Variants in AFF4 observed in about 807,000 individuals in gnomAD.
AFF4 encodes the protein AF4/FMR2 family member 4.
AFF4 carries 13 observed loss-of-function variants against 124.8 expected under a neutral mutation model. The ratio of observed to expected loss-of-function variants is 0.10; its 90% CI spans 0.07 to 0.17. The LOEUF (loss-of-function observed/expected upper bound fraction) is 0.17, where lower values mean the gene tolerates loss of function less well. Ranked by LOEUF, AFF4 falls within the 10% of genes least tolerant of loss-of-function variation. The pLI is 1.00. For synonymous variants in AFF4, 477 were observed against 496.1 expected, an observed-to-expected ratio of 0.96 and a Z score of 0.51; for missense variants, 1,092 against 1,403.8, an observed-to-expected ratio of 0.78 and a Z score of 3.55.
At position 132,914,526 on chromosome 5, in the gene AFF4, G is replaced by A. The variant is rs568652862; in HGVS notation, c.1051-10122C>T. 4.3e-4 allele frequency among the ~76,000 whole-genome samples: 66 copies of A among 151,740 alleles called. No homozygotes were observed. The East Asian group carries it at 7.6e-3, about 17-fold the overall frequency. On this transcript the variant is annotated intron_variant, in intron 5 of 20. Transcript: ENST00000265343. ...TGAGGCAGGAGAATCGCTTGAACCC[G>A]GAAGGTGGAGGTTGCAGTGAGCCGA... is the stretch of plus-strand genomic sequence containing the variant.
At chr5:132,956,405 T>C (rs1479015492) in intron 1 of AFF4, among the ~76,000 whole-genome samples, 1 of 151,966 alleles carries the variant, frequency 6.6e-6, no homozygotes, top group Non-Finnish European at 1.5e-5. Context: ...CTAAGGCAGG[T>C]GGATTACCAG....
intron 5 of AFF4, among the ~76,000 whole-genome samples, chr5:132,920,819 T>C (rs929851953): frequency 1.2e-4 from 19 of 152,198 alleles, no homozygotes; most frequent in African/African-American, 3.4e-4. Flanking sequence ...TATATGATAA[T>C]GGCAGTAAGA....
chr5:132,879,882 C>T lies in AFF4; in HGVS notation c.*1177G>A, dbSNP rs1401256345. The T allele has an allele frequency of 2.0e-5, 5 of 255,214 alleles. No individual in the cohort carries two copies. The highest frequency in any genetic ancestry group is 5.4e-5 in the Admixed American group (1 of 18,368). 15.8% of individuals were successfully genotyped at this position (255,214 alleles called of 1,614,324 possible). A position where few individuals can be genotyped will look rare whatever the true frequency, so the allele number is the denominator to read the frequency against. On this transcript the variant is annotated 3_prime_UTR_variant, in exon 21 of 21. Coordinates refer to ENST00000265343, the MANE Select transcript of AFF4 (RefSeq NM_014423.4). Reference sequence around the variant, plus strand: ...CAGAAACATACATCATTGAAGAGGGCCTTCATAATGCAAAAGGAGTAAACA... The same window carrying T: ...CAGAAACATACATCATTGAAGAGGGTCTTCATAATGCAAAAGGAGTAAACA...
At chr5:132,918,427 C>T (rs1029167227) in intron 5 of AFF4, among the ~76,000 whole-genome samples, 2 of 151,900 alleles carry the variant, frequency 1.3e-5, no homozygotes, top group African/African-American at 4.8e-5. Context: ...TTTGGGAGGC[C>T]GAGGCAGGTG....
chr5:132,942,354 G>A (rs1257126864), intron 1 of AFF4, among the ~76,000 whole-genome samples: 3 of 152,208 alleles, frequency 2.0e-5, no homozygotes, highest in African/African-American at 4.8e-5. Flanking sequence ...GATGTACAAT[G>A]GTGAAGGAGC....
chr5:132,939,679 C>T (rs1373848332), intron 1 of AFF4, among the ~76,000 whole-genome samples: 1 of 152,220 alleles, frequency 6.6e-6, no homozygotes, highest in Non-Finnish European at 1.5e-5. Context: ...GGCACGATCT[C>T]GGCTCACTGC....
chr5:132,961,233 A>G (rs1382213702), intron 1 of AFF4, among the ~76,000 whole-genome samples: 2 of 151,968 alleles, frequency 1.3e-5, no homozygotes, highest in African/African-American at 2.4e-5. Flanking sequence ...TTCGCCTCCC[A>G]GTTCAAGCGA....
chr5:132,916,238 CAAAAAAA>C (rs70974061), intron 5 of AFF4, among the ~76,000 whole-genome samples: 9 of 50,674 alleles, frequency 1.8e-4, no homozygotes, highest in Middle Eastern at 0.014. Flanking sequence ...GATGCTGTCT[CAAAAAAA>C]AAAAAAAAAA....
intron 3 of AFF4, among the ~76,000 whole-genome samples, chr5:132,933,187 CAGG>C (rs1761340464): frequency 6.6e-6 from 1 of 152,020 alleles, no homozygotes; most frequent in African/African-American, 2.4e-5. Context: ...CACGTGAGGT[CAGG>C]AGTTCAAGAC....
Position 132,963,115 on chromosome 5 carries a change from G to T in AFF4, c.-5+144C>A, listed in dbSNP as rs972320593. On this transcript the variant is annotated intron_variant, in intron 1 of 20. Transcript: ENST00000265343. ...GGGTGGGACGCGCAGATGAGAGGAG[G>T]GGTGACGCCTGATTGAGCAGCCCCA... 1.2e-5 allele frequency: 4 copies of T among 334,780 alleles called. No homozygotes were observed. In the East Asian group the frequency reaches 1.4e-4, roughly 11 times the overall value. The allele number at this position is 334,780 out of a possible 1,614,324, so 20.7% of individuals were successfully genotyped here.
Position 132,898,254 on chromosome 5 carries a change from C to T in AFF4, c.1365G>A (p.Glu455=). 1 of 1,614,184 alleles carries T rather than the reference C, an allele frequency of 6.2e-7. No homozygotes were observed. Among genetic ancestry groups the T allele is most frequent in the Non-Finnish European group, 8.5e-7 (1 of 1,180,028 alleles). ...CCTCGGGAGATGCACTCTGGGATGG[C>T]TCATTTGCCTCACTGTCACTGGAAC... The part of the protein sequence containing the change: ...ESSSSDSEAN[E]PSQSASPEPE... The change falls in exon 10 of 21, where the codon GAG becomes GAA. Residue 455 remains glutamate (E), a synonymous_variant. Transcript: ENST00000265343.
chr5:132,920,943 C>T (rs955609224), intron 5 of AFF4, among the ~76,000 whole-genome samples: 2 of 151,854 alleles, frequency 1.3e-5, no homozygotes, highest in Non-Finnish European at 2.9e-5. Flanking sequence ...CTGACTAACA[C>T]GGTGAAATCC....
rs1257387047 is a variant in AFF4 at position 132,926,856 on chromosome 5, G to A, written c.1050+265C>T. 6.3e-5 allele frequency: 19 copies of A among 302,876 alleles called. No individual in the cohort carries two copies. In the East Asian group the frequency reaches 7.2e-4, roughly 11 times the overall value. 18.8% of individuals were successfully genotyped at this position (302,876 alleles called of 1,614,324 possible). On this transcript the variant is annotated intron_variant, in intron 5 of 20. Coordinates refer to ENST00000265343, the MANE Select transcript of AFF4 (RefSeq NM_014423.4). Reference sequence around the variant, plus strand: ...ATTACAGGAGTGAGCCACCGTGTCCGGCTGTATTAATGTCTTTTAAATCTC... The same window carrying A: ...ATTACAGGAGTGAGCCACCGTGTCCAGCTGTATTAATGTCTTTTAAATCTC...
At chr5:132,955,857 G>C (rs1008559523) in intron 1 of AFF4, among the ~76,000 whole-genome samples, 5 of 139,024 alleles carry the variant, frequency 3.6e-5, no homozygotes, top group South Asian at 2.2e-4. Flanking sequence ...GTATTACATA[G>C]ATTATATAGT....
intron 6 of AFF4, among the ~76,000 whole-genome samples, chr5:132,903,252 T>C (rs1250070062): frequency 1.3e-5 from 2 of 149,160 alleles, no homozygotes; most frequent in Non-Finnish European, 3.0e-5. Context: ...CCCTTTTTCC[T>C]GTAAGCTACG....
In AFF4 at chr5:132,934,493, T is replaced by G. The variant is rs1410274417; in HGVS notation, c.572A>C (p.Asn191Thr). 6.2e-7 allele frequency: 1 copy of G among 1,613,734 alleles called. No homozygotes were observed. The highest frequency in any genetic ancestry group is 8.5e-7 in the Non-Finnish European group (1 of 1,179,940). The change falls in exon 3 of 21, where the codon AAC (asparagine) becomes ACC (threonine). Residue 191 changes from asparagine (N) to threonine (T), a missense_variant. By Grantham distance (65) the Asn-to-Thr change is moderately conservative. Transcript: ENST00000265343. ...PGKPQAVSSL[N>T]SSHSRSHGND... is the part of the protein sequence containing the mutation. ...CCCATGAGACCTGGAATGACTAGAG[T>G]TTAATGAAGAAACAGCCTGGGGTTT...
Position 132,876,331 on chromosome 5 carries a change from T to C in AFF4, c.*4728A>G, listed in dbSNP as rs1445687383. 6 of 226,140 alleles carry C rather than the reference T, an allele frequency of 2.7e-5. No individual in the cohort carries two copies. In the East Asian group the frequency reaches 3.8e-4, roughly 14 times the overall value. 14.0% of individuals were successfully genotyped at this position (226,140 alleles called of 1,614,324 possible). A position where few individuals can be genotyped will look rare whatever the true frequency, so the allele number is the denominator to read the frequency against. ...CTCAACAATATGGATGATCATGGCATTGATTTGAAAGGCAGCATTTCCAAA... is the reference window on the plus strand; with the variant it reads ...CTCAACAATATGGATGATCATGGCACTGATTTGAAAGGCAGCATTTCCAAA... On this transcript the variant is annotated 3_prime_UTR_variant, in exon 21 of 21. Coordinates refer to ENST00000265343, the MANE Select transcript of AFF4 (RefSeq NM_014423.4).
At chr5:132,946,525 C>T (rs1168527801) in intron 1 of AFF4, among the ~76,000 whole-genome samples, 1 of 152,180 alleles carries the variant, frequency 6.6e-6, no homozygotes, top group Non-Finnish European at 1.5e-5. Context: ...CTGATACATG[C>T]TACAACATAG....
At chr5:132,942,841 C>A in intron 1 of AFF4, 1 of 169,388 alleles carries the variant, frequency 5.9e-6, no homozygotes. Flanking sequence ...CCTGTAATCC[C>A]AGCAGTTTGG....
Sources: gnomAD v4.1 joint callset for allele counts (sites outside exome capture counted in the v4.1 genomes callset) on GRCh38, gnomAD v4.1.1 for gene constraint, MANE v1.5 for transcripts, NCBI Gene and HGNC (gene_info 2026-07-23, HGNC 2026-07-21) for gene names.